Variants in HSPA4 observed in about 807,000 individuals in gnomAD.
The protein encoded by HSPA4 is heat shock 70 kDa protein 4.
Under a neutral mutation model 106.2 loss-of-function variants are expected in HSPA4, and 25 were observed. That is an observed-to-expected ratio of 0.24 (90% CI 0.17 to 0.33). The LOEUF (loss-of-function observed/expected upper bound fraction) is 0.33, where lower values mean the gene tolerates loss of function less well. Among genes scored for constraint, HSPA4 ranks in the 10% least tolerant of loss-of-function variants. The probability of loss-of-function intolerance (pLI) is 1.00; values close to 1 mark genes in which losing one functional copy is unlikely to be tolerated. For missense variants in HSPA4, 841 were observed against 996.0 expected, an observed-to-expected ratio of 0.84 and a Z score of 2.10; for synonymous variants, 332 against 333.6, an observed-to-expected ratio of 1.00 and a Z score of 0.05.
chr5:133,096,507 A>G (rs1201026180), intron 14 of HSPA4, among the ~76,000 whole-genome samples: 1 of 152,190 alleles, frequency 6.6e-6, no homozygotes. Flanking sequence ...TCTTTGGTGT[A>G]GGGGAGGTAT....
rs1382227260 is a variant in HSPA4 at position 133,073,107 on chromosome 5, G to A, written c.430-123G>A. On this transcript the variant is annotated intron_variant, in intron 4 of 18. Coordinates refer to ENST00000304858, the MANE Select transcript of HSPA4 (RefSeq NM_002154.4). ...TAAATATTCTAACTTTTCCCTACTA[G>A]TTTGAAATATTTTCTTGATCATATA... 6.3e-5 allele frequency: 38 copies of A among 601,206 alleles called. No individual in the cohort carries two copies. In the East Asian group the frequency reaches 1.1e-3, roughly 17 times the overall value. The allele number at this position is 601,206 out of a possible 1,614,324, so 37.2% of individuals were successfully genotyped here. A position where few individuals can be genotyped will look rare whatever the true frequency, so the allele number is the denominator to read the frequency against.
chr5:133,068,439 T>G (rs1410482004), intron 3 of HSPA4, among the ~76,000 whole-genome samples: 19 of 145,322 alleles, frequency 1.3e-4, no homozygotes, highest in African/African-American at 2.8e-4. Flanking sequence ...TGAGGGGGGG[T>G]GGGGGCGTGA....
chr5:133,078,502 G>A (rs577266104), intron 7 of HSPA4, among the ~76,000 whole-genome samples: 9 of 151,880 alleles, frequency 5.9e-5, no homozygotes, highest in Non-Finnish European at 1.2e-4. Context: ...GGGTGTGGTG[G>A]CAGGCGCCTG....
intron 1 of HSPA4, among the ~76,000 whole-genome samples, chr5:133,054,458 C>G (rs1014952375): frequency 6.6e-6 from 1 of 152,186 alleles, no homozygotes; most frequent in Non-Finnish European, 1.5e-5. Context: ...CCTGCCTCGG[C>G]TTTCCAAAGT....
Position 133,096,254 on chromosome 5 carries a change from G to T in HSPA4, c.1803+4G>T. ...CAACTTGTACATTGAAAATGAGGTT[G>T]TTATTTAAAGTCTATTGGAACAATG... is the stretch of plus-strand genomic sequence containing the variant. On this transcript the variant is annotated splice_donor_region_variant and intron_variant, in intron 14 of 18. Transcript: ENST00000304858. The T allele has an allele frequency of 6.2e-7, 1 of 1,610,468 alleles. No homozygotes were observed. Among genetic ancestry groups the T allele is most frequent in the Non-Finnish European group, 8.5e-7 (1 of 1,177,718 alleles).
chr5:133,091,079 T>C (rs1348324204), intron 11 of HSPA4, 114 bp from the exon 12 acceptor site: 1 of 909,650 alleles, frequency 1.1e-6, no homozygotes, highest in Non-Finnish European at 1.9e-6. Flanking sequence ...ATTTTAAGCA[T>C]CATGTTACTG....
At chr5:133,076,503 A>G in intron 6 of HSPA4, 151 bp from the exon 7 acceptor site, 1 of 642,958 alleles carries the variant, frequency 1.6e-6, no homozygotes, top group Non-Finnish European at 2.6e-6. Context: ...GTGGGGTAAT[A>G]AGGATTAAAT....
chr5:133,056,955 A>G (rs774362528), intron 1 of HSPA4, among the ~76,000 whole-genome samples: 2 of 152,318 alleles, frequency 1.3e-5, no homozygotes, highest in Non-Finnish European at 2.9e-5. Flanking sequence ...GTATTTGCTA[A>G]TAATACTATT....
intron 15 of HSPA4, among the ~76,000 whole-genome samples, chr5:133,099,244 T>C (rs1323047528): frequency 6.6e-6 from 1 of 152,080 alleles, no homozygotes; most frequent in East Asian, 1.9e-4. Context: ...GTTCCCCTGC[T>C]TCAGCCTTTG....
intron 7 of HSPA4, among the ~76,000 whole-genome samples, chr5:133,084,922 C>T (rs937385495): frequency 1.3e-5 from 2 of 152,064 alleles, no homozygotes; most frequent in Non-Finnish European, 2.9e-5. Flanking sequence ...ATCCTCCTGC[C>T]TCAGCTTCCT....
intron 1 of HSPA4, among the ~76,000 whole-genome samples, chr5:133,064,153 T>C (rs903454358): frequency 5.9e-5 from 9 of 152,242 alleles, no homozygotes; most frequent in African/African-American, 2.2e-4. Context: ...CAGGAGATTG[T>C]GTATGAATTG....
intron 8 of HSPA4, among the ~76,000 whole-genome samples, chr5:133,088,169 C>T (rs1321411558): frequency 6.6e-6 from 1 of 152,062 alleles, no homozygotes; most frequent in African/African-American, 2.4e-5. Flanking sequence ...GGATTCCTGG[C>T]CCTCACCTCC....
At chr5:133,067,365 T>TAAA (rs11448270) in intron 2 of HSPA4, 52 bp from the exon 3 acceptor site, 85 of 1,347,832 alleles carry the variant, frequency 6.3e-5, no homozygotes, top group African/African-American at 1.0e-4. Context: ...GCTGTTGAAA[T>TAAA]AAAAAAAAAA....
At position 133,092,042 on chromosome 5, in the gene HSPA4, C is replaced by G. The variant is rs374063749; in HGVS notation, c.1561-658C>G. 4.0e-4 allele frequency among the ~76,000 whole-genome samples: 61 copies of G among 151,956 alleles called. No homozygotes were observed. In the East Asian group the frequency reaches 8.9e-3, roughly 22 times the overall value. On this transcript the variant is annotated intron_variant, in intron 12 of 18. Coordinates refer to ENST00000304858, the MANE Select transcript of HSPA4 (RefSeq NM_002154.4). ...CTAGCCTATGTGTCAGAGTGTGACC[C>G]TGCCTCAAGGAAAACAAAACTACAA... is the stretch of plus-strand genomic sequence containing the variant.
chr5:133,094,612 A>G (rs925580345), intron 13 of HSPA4, among the ~76,000 whole-genome samples: 3 of 152,162 alleles, frequency 2.0e-5, no homozygotes, highest in African/African-American at 7.2e-5. Context: ...AGGTGGGTGA[A>G]GAGAAGGGAG....
intron 16 of HSPA4, among the ~76,000 whole-genome samples, chr5:133,099,907 A>C (rs974864557): frequency 5.3e-5 from 8 of 152,208 alleles, no homozygotes; most frequent in African/African-American, 1.7e-4. Flanking sequence ...TCTTGGTGTC[A>C]AGAGATAAAA....
chr5:133,082,279 G>GT (rs1455865353), intron 7 of HSPA4, among the ~76,000 whole-genome samples: 2 of 152,152 alleles, frequency 1.3e-5, no homozygotes, highest in Non-Finnish European at 2.9e-5. Flanking sequence ...GTTGAGGAAA[G>GT]TAACAGTTAA....
intron 7 of HSPA4, among the ~76,000 whole-genome samples, chr5:133,077,665 T>TG (rs1765462186): frequency 6.6e-6 from 1 of 152,220 alleles, no homozygotes; most frequent in Non-Finnish European, 1.5e-5. Context: ...GTGTTATTGT[T>TG]GCCTGGTTCA....
At position 133,087,861 on chromosome 5, in the gene HSPA4, T is replaced by C. The variant is rs775455970; in HGVS notation, c.986-543T>C. On this transcript the variant is annotated intron_variant, in intron 8 of 18. Coordinates refer to ENST00000304858, the MANE Select transcript of HSPA4 (RefSeq NM_002154.4). ...CTGGTTTTGAACTCCTGACCTCAGG[T>C]GATCCGCCCACTTCGGCCTCCTAAA... Among the ~76,000 whole-genome samples, 42 of 152,296 alleles carry C rather than the reference T, an allele frequency of 2.8e-4. 1 individual carries two copies. The South Asian group carries it at 4.8e-3, about 17-fold the overall frequency.
Sources: gnomAD v4.1 joint callset for allele counts (sites outside exome capture counted in the v4.1 genomes callset) on GRCh38, gnomAD v4.1.1 for gene constraint, MANE v1.5 for transcripts, NCBI Gene and HGNC (gene_info 2026-07-23, HGNC 2026-07-21) for gene names.